PTPRH: variants seen among roughly 807,000 people sequenced by gnomAD.
PTPRH encodes the protein protein tyrosine phosphatase receptor type H, also known as receptor-type tyrosine-protein phosphatase H.
In PTPRH, 113 loss-of-function variants were observed where a neutral mutation model predicts 130.2. The observed-to-expected ratio is 0.87, with a 90% CI of 0.75 to 1.01. The LOEUF is 1.01. PTPRH is among the 50% of genes least tolerant of loss of function. PTPRH has a pLI of 0.00. For missense variants in PTPRH, 1,430 were observed against 1,425.0 expected (o/e 1.00, Z -0.06); for synonymous variants, 556 against 577.9 (o/e 0.96, Z 0.54).
Position 55,206,914 on chromosome 19 carries a change from T to C in PTPRH, c.127A>G (p.Thr43Ala). ...TCCCAGCTCAGGGAGATGGAGCTGG[T>C]GGTCTGAGTCTCCACTGTCAGGTTC... is the stretch of plus-strand genomic sequence containing the variant. ...GRNLTVETQT[T>A]SSISLSWEVP... is the part of the protein sequence containing the mutation. The change falls in exon 3 of 20, where the codon ACC becomes GCC. Residue 43 changes from threonine (T) to alanine (A), a missense_variant. By Grantham distance (58) the Thr-to-Ala change is moderately conservative. Coordinates refer to ENST00000376350, the MANE Select transcript of PTPRH (RefSeq NM_002842.5). 5 of 1,611,124 alleles carry C rather than the reference T, an allele frequency of 3.1e-6. No homozygotes were observed. In the South Asian group the frequency reaches 4.4e-5, roughly 14 times the overall value.
rs1393752727 is a variant in PTPRH, at chr19:55,209,465, C to T, written c.-32G>A. ...AGACACTGCCGGGGACCCAGGAGTCCCAGGCCTAGTCCTTCCACCTGCTGG... is the reference window on the plus strand; with the variant it reads ...AGACACTGCCGGGGACCCAGGAGTCTCAGGCCTAGTCCTTCCACCTGCTGG... On this transcript the variant is annotated 5_prime_UTR_variant, in exon 1 of 20. Coordinates refer to ENST00000376350, the MANE Select transcript of PTPRH (RefSeq NM_002842.5). The surrounding 1 kb of genome is among the most constrained non-coding windows in gnomAD (Gnocchi z 4.1). 1.4e-6 allele frequency: 2 copies of T among 1,475,850 alleles called. No homozygotes were observed. The highest frequency in any genetic ancestry group is 1.4e-5 in the African/African-American group (1 of 71,714). The allele number at this position is 1,475,850 out of a possible 1,614,324, so 91.4% of individuals were successfully genotyped here.
At chr19:55,199,986 G>GAGAA (rs539687330) in intron 7 of PTPRH, among the ~76,000 whole-genome samples, 12 of 150,142 alleles carry the variant, frequency 8.0e-5, no homozygotes, top group African/African-American at 9.8e-5. Context: ...GGAAGGGAAG[G>GAGAA]AGAAAGAAAG....
chr19:55,198,098 T>A (rs931912361), intron 8 of PTPRH, among the ~76,000 whole-genome samples: 1 of 152,088 alleles, frequency 6.6e-6, no homozygotes, highest in African/African-American at 2.4e-5. Flanking sequence ...ATGTTTGTGG[T>A]CCCAGCTACT....
At position 55,203,154 on chromosome 19, in the gene PTPRH, C is replaced by CT. The variant is rs1404018160; in HGVS notation, c.886+627_886+628insA. ...CCATCCTGGCTAACACGGTGAAACCCGTCTCTACTAAAAATACAAAAAATT... is the reference window on the plus strand; with the variant it reads ...CCATCCTGGCTAACACGGTGAAACCCTGTCTCTACTAAAAATACAAAAAATT... On this transcript the variant is annotated intron_variant, in intron 5 of 19. Transcript: ENST00000376350. 1.1e-4 allele frequency among the ~76,000 whole-genome samples: 16 copies of CT among 151,484 alleles called. No individual in the cohort carries two copies. The East Asian group carries it at 2.0e-3, about 19-fold the overall frequency.
chr19:55,198,438 G>T (rs1045263277), intron 8 of PTPRH, among the ~76,000 whole-genome samples: 2 of 152,064 alleles, frequency 1.3e-5, no homozygotes, highest in African/African-American at 4.8e-5. Context: ...CCCAAAGGGA[G>T]AAAAAACAGG....
At chr19:55,186,162 A>C (rs1463575862) in intron 16 of PTPRH, 63 bp downstream of exon 16, 1 of 1,577,638 alleles carries the variant, frequency 6.3e-7, no homozygotes, top group African/African-American at 1.3e-5. Context: ...TGGGGTCTAC[A>C]TTGGATGAGT....
chr19:55,189,915 G>C (rs2086476236), intron 12 of PTPRH: 1 of 356,804 alleles, frequency 2.8e-6, no homozygotes, highest in Non-Finnish European at 5.6e-6. Flanking sequence ...GGTCACTTGA[G>C]CCCAGGAGGT....
chr19:55,190,485 T>A (rs1219738400), intron 12 of PTPRH, among the ~76,000 whole-genome samples: 3 of 129,726 alleles, frequency 2.3e-5, no homozygotes, highest in Non-Finnish European at 4.6e-5. Flanking sequence ...TATTATATAT[T>A]ATATAATTTA....
At chr19:55,186,640 A>ACAGACAG in intron 14 of PTPRH, 100 bp from the exon 15 acceptor site, 2 of 1,167,354 alleles carry the variant, frequency 1.7e-6, no homozygotes, top group Non-Finnish European at 1.2e-6. Flanking sequence ...AGACAAGACC[A>ACAGACAG]AGACCCATGG....
intron 12 of PTPRH, chr19:55,189,650 G>A: frequency 2.2e-6 from 1 of 455,816 alleles, no homozygotes; most frequent in South Asian, 1.5e-5. Flanking sequence ...CTTCCTCTTA[G>A]TCATCTTGTT....
At chr19:55,181,988 G>A (rs747371896) in intron 19 of PTPRH, 28 bp downstream of exon 19, 51 of 1,613,826 alleles carry the variant, frequency 3.2e-5, no homozygotes, top group African/African-American at 1.3e-5. Context: ...ACTGCCTCCC[G>A]TCCTGTGTTG....
At chr19:55,198,011 G>A (rs142836620) in intron 8 of PTPRH, among the ~76,000 whole-genome samples, 6 of 152,238 alleles carry the variant, frequency 3.9e-5, no homozygotes, top group African/African-American at 9.6e-5. Flanking sequence ...CCAAGAATTC[G>A]ACACCAGCTT....
Position 55,191,533 on chromosome 19 carries a change from C to T in PTPRH, c.2352G>A (p.Gln784=). 6.2e-7 allele frequency: 1 copy of T among 1,614,228 alleles called. No homozygotes were observed. The highest frequency in any genetic ancestry group is 8.5e-7 in the Non-Finnish European group (1 of 1,180,036). ...FFLKRRNKKK[Q]QKPELRDLVF... ...CCAGATCCCTGAGTTCTGGTTTCTG[C>T]TGCTTCTTCTTATTCCTGGGAAAAG... Residue 784 remains glutamine (Q), a synonymous_variant, in exon 12 of 20, where the codon CAG becomes CAA. Coordinates refer to ENST00000376350, the MANE Select transcript of PTPRH (RefSeq NM_002842.5).
In PTPRH at chr19:55,205,418, T is replaced by C. The variant is rs375469496; in HGVS notation, c.527A>G (p.Asp176Gly). The C allele has an allele frequency of 3.0e-5, 48 of 1,614,056 alleles. No individual in the cohort carries two copies. The highest frequency in any genetic ancestry group is 3.5e-5 in the Non-Finnish European group (41 of 1,180,038). ...ATACAAACACCCGGGTTCAAGTCCATCCACGGTGATGTTAGTGTGTGCTGT... is the reference window on the plus strand; with the variant it reads ...ATACAAACACCCGGGTTCAAGTCCACCCACGGTGATGTTAGTGTGTGCTGT... ...RSTAHTNITV[D>G]GLEPGCLYAF... The change falls in exon 4 of 20, where the codon GAT (aspartate) becomes GGT (glycine). Residue 176 changes from aspartate to glycine, a missense_variant. Coordinates refer to ENST00000376350, the MANE Select transcript of PTPRH (RefSeq NM_002842.5).
Position 55,200,268 on chromosome 19 carries a change from C to T in PTPRH, c.1388G>A (p.Arg463His), listed in dbSNP as rs368893406. Residue 463 changes from arginine to histidine, a missense_variant, in exon 7 of 20, where the codon CGT becomes CAT. By Grantham distance (29) the Arg-to-His change is conservative. Coordinates refer to ENST00000376350, the MANE Select transcript of PTPRH (RefSeq NM_002842.5). ...FSVWAEKNGA[R>H]GSRQNVSIST... ...GATGCTGACATTCTGCCTGGAGCCA[C>T]GTGCTCCATTTTTTTCTGCCCATAC... The T allele has an allele frequency of 2.7e-5, 44 of 1,614,084 alleles. No individual in the cohort carries two copies. The East Asian group carries it at 4.2e-4, about 16-fold the overall frequency.
intron 14 of PTPRH, 27 bp from the exon 15 acceptor site, chr19:55,186,567 G>A: frequency 1.2e-6 from 2 of 1,611,954 alleles, no homozygotes; most frequent in Non-Finnish European, 1.7e-6. Context: ...GCATTAGCCA[G>A]GCAGAGAGAC....
chr19:55,205,081 T>C (rs2087000988), intron 4 of PTPRH, among the ~76,000 whole-genome samples: 1 of 152,040 alleles, frequency 6.6e-6, no homozygotes, highest in African/African-American at 2.4e-5. Context: ...CCCTACACAT[T>C]CCTCTTGGTG....
In PTPRH at chr19:55,186,312, T is replaced by TGA. The variant is rs1401990537; in HGVS notation, c.2690_2691insTC (p.Gln898HisfsTer22). On this transcript the variant is annotated frameshift_variant, in exon 16 of 20. Coordinates refer to ENST00000376350, the MANE Select transcript of PTPRH (RefSeq NM_002842.5). LOFTEE classifies it high-confidence loss of function. Reference sequence around the variant, plus strand: ...GGCGCCAGAAGTCACCCACTGTCTGTGGCAGGGGACCCTGGGTTGCAATGA... The same window carrying TGA: ...GGCGCCAGAAGTCACCCACTGTCTGTGAGGCAGGGGACCCTGGGTTGCAATGA... 1 of 1,613,884 alleles carries TGA rather than the reference T, an allele frequency of 6.2e-7. No homozygotes were observed. The highest frequency in any genetic ancestry group is 2.2e-5 in the East Asian group (1 of 44,888).
In PTPRH at chr19:55,206,909, G is replaced by C; in HGVS notation, c.132C>G (p.Ser44Arg). ...GGACCTCCCAGCTCAGGGAGATGGA[G>C]CTGGTGGTCTGAGTCTCCACTGTCA... ...RNLTVETQTT[S>R]SISLSWEVPD... The change falls in exon 3 of 20, where the codon AGC becomes AGG. Residue 44 changes from serine to arginine, a missense_variant. Coordinates refer to ENST00000376350, the MANE Select transcript of PTPRH (RefSeq NM_002842.5). 1 of 1,612,060 alleles carries C rather than the reference G, an allele frequency of 6.2e-7. No individual in the cohort carries two copies. Among genetic ancestry groups the C allele is most frequent in the African/African-American group, 1.3e-5 (1 of 75,002 alleles).
Sources: allele counts gnomAD v4.1 joint callset (sites outside exome capture counted in the v4.1 genomes callset), GRCh38; gene constraint gnomAD v4.1.1; non-coding constraint Gnocchi (gnomAD v3.1); transcripts MANE v1.5; gene names NCBI Gene and HGNC (gene_info 2026-07-23, HGNC 2026-07-21).